Variants in FNDC3B observed in about 807,000 individuals in gnomAD.
FNDC3B encodes the protein fibronectin type III domain-containing protein 3B.
In FNDC3B, 12 loss-of-function variants were observed where a neutral mutation model predicts 151.5. The observed-to-expected ratio is 0.08, with a 90% confidence interval of 0.05 to 0.13. The LOEUF is 0.13. Ranked by LOEUF, FNDC3B falls within the 10% of genes least tolerant of loss-of-function variation. The pLI is 1.00. For missense variants in FNDC3B, 1,214 were observed against 1,505.3 expected (o/e 0.81, Z 3.20); for synonymous variants, 528 against 549.0 (o/e 0.96, Z 0.54).
chr3:172,353,672 T>G (rs1034084666), intron 22 of FNDC3B, among the ~76,000 whole-genome samples: 1 of 152,198 alleles, frequency 6.6e-6, no homozygotes, highest in African/African-American at 2.4e-5. Flanking sequence ...CCTCAGAGGA[T>G]AGTTCTGTTA....
At chr3:172,086,240 G>A (rs1718541450) in intron 1 of FNDC3B, among the ~76,000 whole-genome samples, 1 of 151,990 alleles carries the variant, frequency 6.6e-6, no homozygotes, top group Non-Finnish European at 1.5e-5. Flanking sequence ...CACACCTGTA[G>A]TCCCAGCTAC....
chr3:172,306,040 T>C (rs1257763546), intron 9 of FNDC3B, among the ~76,000 whole-genome samples: 1 of 152,230 alleles, frequency 6.6e-6, no homozygotes, highest in Non-Finnish European at 1.5e-5. Flanking sequence ...GTAATATGTA[T>C]GTATTTTTAT....
chr3:172,199,705 C>T (rs746812196), intron 3 of FNDC3B, among the ~76,000 whole-genome samples: 1 of 152,064 alleles, frequency 6.6e-6, no homozygotes, highest in African/African-American at 2.4e-5. Flanking sequence ...AACAAAGACC[C>T]CAAACATTTC....
chr3:172,298,025 T>C (rs1392192603), intron 8 of FNDC3B, among the ~76,000 whole-genome samples: 1 of 152,232 alleles, frequency 6.6e-6, no homozygotes, highest in African/African-American at 2.4e-5. Flanking sequence ...ATACAGTACC[T>C]TTAGTTGTCA....
rs543104504 is a variant in FNDC3B at position 172,279,727 on chromosome 3, A to G, written c.791-6199A>G. 5.3e-4 allele frequency among the ~76,000 whole-genome samples: 80 copies of G among 152,304 alleles called. No individual in the cohort carries two copies. In the Middle Eastern group the frequency reaches 0.01, roughly 19 times the overall value. The stretch of plus-strand genomic sequence containing the variant: ...GATTTTACTCATCTTTAATATTTGT[A>G]TTTAAAACCACTAACTGTGGATCAT... On this transcript the variant is annotated intron_variant, in intron 6 of 25. Transcript: ENST00000415807.
intron 17 of FNDC3B, among the ~76,000 whole-genome samples, chr3:172,342,801 A>G (rs926266259): frequency 2.6e-5 from 4 of 152,220 alleles, no homozygotes; most frequent in Non-Finnish European, 2.9e-5. Flanking sequence ...CCAGTGCCAT[A>G]TGAAGTCTAT....
intron 3 of FNDC3B, among the ~76,000 whole-genome samples, chr3:172,189,076 T>C (rs1030639217): frequency 6.6e-6 from 1 of 152,204 alleles, no homozygotes; most frequent in African/African-American, 2.4e-5. Context: ...CTGTAAGTAT[T>C]TCTTTTAGCA....
intron 2 of FNDC3B, among the ~76,000 whole-genome samples, chr3:172,130,085 C>T (rs910841271): frequency 1.3e-5 from 2 of 152,046 alleles, no homozygotes; most frequent in African/African-American, 4.8e-5. Flanking sequence ...GACTCATGCT[C>T]CTCGGGGCTG....
At chr3:172,052,597 T>C (rs1028436858) in intron 1 of FNDC3B, among the ~76,000 whole-genome samples, 2 of 152,156 alleles carry the variant, frequency 1.3e-5, no homozygotes, top group African/African-American at 2.4e-5. Context: ...CAGGGGGAGT[T>C]AAAGACTGTT....
rs999328621 is a variant in FNDC3B, at chr3:172,112,580, C to T, written c.101C>T (p.Ala34Val). The T allele has an allele frequency of 1.2e-6, 2 of 1,609,574 alleles. No homozygotes were observed. The highest frequency in any genetic ancestry group is 1.3e-5 in the African/African-American group (1 of 74,930). The change falls in exon 2 of 26, where the codon GCA (alanine) becomes GTA (valine). Residue 34 changes from alanine to valine, a missense_variant. By Grantham distance (64) the Ala-to-Val change is moderately conservative. This residue lies in a region of FNDC3B where 113 missense variants were observed against 177.8 expected (regional missense o/e 0.64). Transcript: ENST00000415807. The stretch of plus-strand genomic sequence containing the variant: ...ATGCCCCACTTGGTGAATGGAGATG[C>T]AGCTCAGCAGGTTGGTGTAGGAAGA... ...AMMPHLVNGD[A>V]AQQVILVQVN...
intron 4 of FNDC3B, among the ~76,000 whole-genome samples, chr3:172,241,625 G>C (rs1022881060): frequency 2.6e-5 from 4 of 151,702 alleles, no homozygotes; most frequent in Non-Finnish European, 5.9e-5. Flanking sequence ...GATCTCATGA[G>C]ACTTATTCAC....
intron 3 of FNDC3B, among the ~76,000 whole-genome samples, chr3:172,201,067 T>G (rs1191492679): frequency 2.0e-5 from 3 of 152,240 alleles, no homozygotes; most frequent in Admixed American, 6.5e-5. Flanking sequence ...TGGATTTGTT[T>G]GAACAGTGGT....
Position 172,347,358 on chromosome 3 carries a change from A to C in FNDC3B, c.2511A>C (p.Leu837=). The stretch of plus-strand genomic sequence containing the variant: ...CTGCTGCACAGTATTGCTGTAGACT[A>C]CAGGTAGGTTGACATTATTCAGATG... ...LLPAAQYCCR[L]QAFNQAGAGP... Residue 837 remains leucine (L), a synonymous_variant, in exon 21 of 26, where the codon CTA becomes CTC. Transcript: ENST00000415807. 6.2e-7 allele frequency: 1 copy of C among 1,611,700 alleles called. No individual in the cohort carries two copies. Among genetic ancestry groups the C allele is most frequent in the African/African-American group, 1.3e-5 (1 of 74,950 alleles).
At chr3:172,230,000 C>G (rs983487485) in intron 4 of FNDC3B, among the ~76,000 whole-genome samples, 4 of 151,958 alleles carry the variant, frequency 2.6e-5, no homozygotes. Context: ...ACATCATATG[C>G]AAAAATTAAC....
At chr3:172,281,165 C>T (rs1208015500) in intron 6 of FNDC3B, among the ~76,000 whole-genome samples, 1 of 151,464 alleles carries the variant, frequency 6.6e-6, no homozygotes, top group African/African-American at 2.4e-5. Flanking sequence ...AAACAAAATG[C>T]CCCTTCTCTG....
rs142756073 is a variant in FNDC3B, at chr3:172,294,617, G to A, written c.850-746G>A. On this transcript the variant is annotated intron_variant, in intron 7 of 25. Transcript: ENST00000415807. ...TTGGGTGGGGACACAAATCCAAACC[G>A]TATCAGGAAGGAAGCCCATGCGGGG... 1.3e-3 allele frequency among the ~76,000 whole-genome samples: 196 copies of A among 152,292 alleles called. 1 individual carries two copies. The East Asian group carries it at 0.028, about 22-fold the overall frequency.
intron 11 of FNDC3B, among the ~76,000 whole-genome samples, chr3:172,312,533 A>G (rs1330361795): frequency 6.6e-6 from 1 of 151,998 alleles, no homozygotes; most frequent in Non-Finnish European, 1.5e-5. Context: ...CTCTTTTTAT[A>G]TGTTGATTTG....
At chr3:172,075,015 A>G (rs998603701) in intron 1 of FNDC3B, among the ~76,000 whole-genome samples, 2 of 152,212 alleles carry the variant, frequency 1.3e-5, no homozygotes, top group Admixed American at 1.3e-4. Context: ...ATTTGTACCT[A>G]TGTTGCCAAA....
chr3:172,173,568 G>A (rs1164618554), intron 3 of FNDC3B, among the ~76,000 whole-genome samples: 1 of 150,330 alleles, frequency 6.7e-6, no homozygotes, highest in African/African-American at 2.5e-5. Flanking sequence ...GCCGAGGCGG[G>A]AGGATCACTT....
Sources: gnomAD v4.1 joint callset for allele counts (sites outside exome capture counted in the v4.1 genomes callset) on GRCh38, gnomAD v4.1.1 for gene constraint, gnomAD v4.1.1 regional missense constraint, MANE v1.5 for transcripts, NCBI Gene and HGNC (gene_info 2026-07-23, HGNC 2026-07-21) for gene names.